Variants in RORB observed in about 807,000 individuals in gnomAD.
RORB encodes the protein RAR related orphan receptor B.
A neutral mutation model predicts 59.1 loss-of-function variants in RORB; 6 were observed. The ratio of observed to expected loss-of-function variants is 0.10; its 90% CI spans 0.06 to 0.20. RORB has a LOEUF of 0.20. Ranked by LOEUF, RORB falls within the 10% of genes least tolerant of loss-of-function variation. The pLI, the probability that RORB is intolerant of heterozygous loss-of-function variation, is 1.00. For synonymous variants in RORB, 215 were observed against 204.5 expected (o/e 1.05, Z -0.44); for missense variants, 320 against 560.5 (o/e 0.57, Z 4.33).
At chr9:74,600,032 C>T (rs563248598) in intron 1 of RORB, among the ~76,000 whole-genome samples, 1 of 152,224 alleles carries the variant, frequency 6.6e-6, no homozygotes, top group South Asian at 2.1e-4. Context: ...TTATATCTAC[C>T]TCTCAGATAA....
chr9:74,625,489 C>T (rs1411566300), intron 1 of RORB, among the ~76,000 whole-genome samples: 3 of 152,100 alleles, frequency 2.0e-5, no homozygotes, highest in Non-Finnish European at 4.4e-5. Context: ...TGGTGCACAC[C>T]CACAGTCCCA....
At chr9:74,525,044 T>C (rs1826138294) in intron 1 of RORB, among the ~76,000 whole-genome samples, 1 of 151,890 alleles carries the variant, frequency 6.6e-6, no homozygotes. Flanking sequence ...TAAAACTAAG[T>C]CTACTTAGTG....
intron 1 of RORB, among the ~76,000 whole-genome samples, chr9:74,622,772 G>C (rs552057395): frequency 6.6e-6 from 1 of 151,878 alleles, no homozygotes; most frequent in East Asian, 1.9e-4. Context: ...TAATCCACCC[G>C]CCTCAGCCTC....
At chr9:74,545,146 T>C (rs1327607247) in intron 1 of RORB, among the ~76,000 whole-genome samples, 4 of 152,020 alleles carry the variant, frequency 2.6e-5, no homozygotes, top group Non-Finnish European at 2.9e-5. Context: ...GTCTTCCTTC[T>C]GTTTTGCCAA....
At chr9:74,596,429 A>AT (rs1196703278) in intron 1 of RORB, among the ~76,000 whole-genome samples, 1 of 152,200 alleles carries the variant, frequency 6.6e-6, no homozygotes, top group Non-Finnish European at 1.5e-5. Context: ...CAATCTCTAA[A>AT]TACAAAATAT....
intron 1 of RORB, among the ~76,000 whole-genome samples, chr9:74,516,491 G>A (rs753978371): frequency 1.3e-5 from 2 of 151,938 alleles, no homozygotes; most frequent in African/African-American, 2.4e-5. Context: ...GTCAAAATAG[G>A]AGTTTTGTTG....
chr9:74,603,967 G>A (rs1476211079), intron 1 of RORB, among the ~76,000 whole-genome samples: 1 of 152,184 alleles, frequency 6.6e-6, no homozygotes, highest in Non-Finnish European at 1.5e-5. Flanking sequence ...AAAGAGGAGA[G>A]AGTTTATTCC....
At chr9:74,651,643 T>C (rs1327956879) in intron 4 of RORB, among the ~76,000 whole-genome samples, 1 of 152,126 alleles carries the variant, frequency 6.6e-6, no homozygotes, top group African/African-American at 2.4e-5. Flanking sequence ...CTCTTGCAGA[T>C]GGAGGATCAA....
At chr9:74,611,892 C>T (rs182189587) in intron 1 of RORB, among the ~76,000 whole-genome samples, 1 of 152,184 alleles carries the variant, frequency 6.6e-6, no homozygotes, top group Admixed American at 6.5e-5. Flanking sequence ...TCAGGTGATC[C>T]ACCCACCTCG....
chr9:74,630,301 A>G lies in RORB; in HGVS notation c.27A>G (p.Pro9=), dbSNP rs1280656682. The change falls in exon 2 of 10, where the codon CCA becomes CCG. Residue 9 remains proline, a synonymous_variant. Coordinates refer to ENST00000376896, the MANE Select transcript of RORB (RefSeq NM_006914.4). ...TTTCAGCACAAATTGAAGTGATACC[A>G]TGCAAAATTTGTGGCGATAAGTCCT... MRAQIEVI[P]CKICGDKSSG... 1.9e-6 allele frequency: 3 copies of G among 1,613,594 alleles called. No individual in the cohort carries two copies. Among genetic ancestry groups the G allele is most frequent in the Admixed American group, 1.7e-5 (1 of 60,014 alleles).
intron 1 of RORB, among the ~76,000 whole-genome samples, chr9:74,551,519 C>T (rs1346516559): frequency 6.6e-6 from 1 of 152,192 alleles, no homozygotes; most frequent in African/African-American, 2.4e-5. Flanking sequence ...GATTTCAACA[C>T]ACTACTTAAA....
At chr9:74,591,124 G>C (rs935913122) in intron 1 of RORB, among the ~76,000 whole-genome samples, 2 of 152,152 alleles carry the variant, frequency 1.3e-5, no homozygotes, top group African/African-American at 4.8e-5. Flanking sequence ...AAGTTTCAGA[G>C]CCAGCTGAAT....
At chr9:74,654,366 G>C (rs943653363) in intron 4 of RORB, among the ~76,000 whole-genome samples, 1 of 113,848 alleles carries the variant, frequency 8.8e-6, no homozygotes, top group African/African-American at 3.5e-5. Context: ...GAGAGAGAGA[G>C]AGAGAGTAAG....
chr9:74,650,869 G>T (rs1823978962), intron 4 of RORB, among the ~76,000 whole-genome samples: 1 of 152,182 alleles, frequency 6.6e-6, no homozygotes, highest in Admixed American at 6.5e-5. Context: ...TTCTAAATTA[G>T]TTCTTCCTAA....
chr9:74,528,308 G>A (rs544319809), intron 1 of RORB, among the ~76,000 whole-genome samples: 1 of 152,118 alleles, frequency 6.6e-6, no homozygotes, highest in South Asian at 2.1e-4. Context: ...TACTCTCCTA[G>A]CGCAGCTGCT....
chr9:74,665,993 T>G (rs1411994400), intron 7 of RORB, among the ~76,000 whole-genome samples: 1 of 152,066 alleles, frequency 6.6e-6, no homozygotes, highest in African/African-American at 2.4e-5. Flanking sequence ...AGTACAAAAA[T>G]TAGCTGGGCA....
intron 4 of RORB, among the ~76,000 whole-genome samples, chr9:74,653,116 T>C (rs977430484): frequency 6.6e-6 from 1 of 152,204 alleles, no homozygotes; most frequent in African/African-American, 2.4e-5. Context: ...TGGCTGTCTG[T>C]TTTGAAAAAG....
chr9:74,615,747 G>T (rs138739152), intron 1 of RORB: 180 of 306,670 alleles, frequency 5.9e-4, no homozygotes, highest in Non-Finnish European at 9.4e-4. Flanking sequence ...TGATAGCTAG[G>T]TGTGGGGACA....
chr9:74,683,994 G>A (rs368599366), intron 9 of RORB, among the ~76,000 whole-genome samples: 3 of 152,294 alleles, frequency 2.0e-5, no homozygotes, highest in South Asian at 2.1e-4. Flanking sequence ...CTAAAATTTA[G>A]CATCCATTCT....
Sources: allele counts gnomAD v4.1 joint callset (sites outside exome capture counted in the v4.1 genomes callset), GRCh38; gene constraint gnomAD v4.1.1; transcripts MANE v1.5; gene names NCBI Gene and HGNC (gene_info 2026-07-23, HGNC 2026-07-21).